The following DIP2B variants were observed in gnomAD, a reference collection of about 807,000 sequenced individuals.
DIP2B encodes disco-interacting protein 2 homolog B.
In DIP2B, 76 loss-of-function variants were observed where a neutral mutation model predicts 198.0. The observed-to-expected ratio is 0.38, with a 90% CI of 0.32 to 0.46. DIP2B has a LOEUF of 0.46. DIP2B is among the 20% of genes least tolerant of loss of function. The pLI, the probability that DIP2B is intolerant of heterozygous loss-of-function variation, is 0.99. For missense variants in DIP2B, 1,559 were observed against 1,978.4 expected (o/e 0.79, Z 4.02); for synonymous variants, 701 against 739.1 (o/e 0.95, Z 0.84).
rs1939323523 is a variant in DIP2B, at chr12:50,696,967, GAAAT to G, written c.1934-91_1934-88del. ...CAATATACAATATGAGTTCTCATGA[GAAAT>G]AAGTATGTCAGCTTTCTATTCTTTA... is the stretch of plus-strand genomic sequence containing the variant. On this transcript the variant is annotated intron_variant, in intron 16 of 37. Coordinates refer to ENST00000301180, the MANE Select transcript of DIP2B (RefSeq NM_173602.3). 1.8e-5 allele frequency: 16 copies of G among 906,512 alleles called. 1 individual carries two copies. The South Asian group carries it at 2.5e-4, about 14-fold the overall frequency. The allele number at this position is 906,512 out of a possible 1,614,324, so 56.2% of individuals were successfully genotyped here. A position where few individuals can be genotyped will look rare whatever the true frequency, so the allele number is the denominator to read the frequency against.
intron 1 of DIP2B, among the ~76,000 whole-genome samples, chr12:50,539,354 G>A (rs1458011062): frequency 6.6e-6 from 1 of 151,652 alleles, no homozygotes; most frequent in East Asian, 1.9e-4. Flanking sequence ...CAGGCCGGGT[G>A]TGGTGTAATA....
chr12:50,667,903 T>TCCCAGC (rs1938783791), intron 4 of DIP2B, among the ~76,000 whole-genome samples: 1 of 152,206 alleles, frequency 6.6e-6, no homozygotes, highest in Non-Finnish European at 1.5e-5. Context: ...GTACAGTGTC[T>TCCCAGC]TTGTTCATGG....
At chr12:50,623,806 A>G (rs369502769) in intron 1 of DIP2B, among the ~76,000 whole-genome samples, 2 of 152,100 alleles carry the variant, frequency 1.3e-5, no homozygotes, top group African/African-American at 4.8e-5. Flanking sequence ...TTTGGGCTGG[A>G]TAAATCTTTG....
intron 1 of DIP2B, among the ~76,000 whole-genome samples, chr12:50,507,408 C>A (rs535162028): frequency 3.9e-5 from 6 of 152,220 alleles, no homozygotes; most frequent in African/African-American, 1.2e-4. Flanking sequence ...TAAAATAATC[C>A]AAAAGTCCCC....
At position 50,615,546 on chromosome 12, in the gene DIP2B, C is replaced by T. The variant is rs184638819; in HGVS notation, c.101-10430C>T. ...GGAGCAACTTTAGTGATACTTGATG[C>T]GTTGTATCTTATTTTTTTAAAAGAG... On this transcript the variant is annotated intron_variant, in intron 1 of 37. Transcript: ENST00000301180. Among the ~76,000 whole-genome samples the T allele has an allele frequency of 1.1e-3, 170 of 152,050 alleles. 2 individuals are homozygous for T. Among genetic ancestry groups the T allele is most frequent in the African/African-American group, 3.8e-3 (158 of 41,466 alleles).
At chr12:50,678,573 C>T (rs947265311) in intron 7 of DIP2B, 106 bp from the exon 8 acceptor site, 65 of 1,239,722 alleles carry the variant, frequency 5.2e-5, no homozygotes, top group Non-Finnish European at 7.2e-5. Context: ...TGAGTTTAAA[C>T]CAGGTAAATA....
chr12:50,745,880 A>G lies in DIP2B; in HGVS notation c.*1041A>G, dbSNP rs1940334454. 6.6e-6 allele frequency: 1 copy of G among 152,222 alleles called. No homozygotes were observed. The highest frequency in any genetic ancestry group is 1.5e-5 in the Non-Finnish European group (1 of 68,042). 9.4% of individuals were successfully genotyped at this position (152,222 alleles called of 1,614,324 possible). On this transcript the variant is annotated 3_prime_UTR_variant, in exon 38 of 38. Coordinates refer to ENST00000301180, the MANE Select transcript of DIP2B (RefSeq NM_173602.3). ...TGTAAACTGTGTCTACAGTTTATCC[A>G]TATAACTTCTCTTCTGAAAACTGAG... is the stretch of plus-strand genomic sequence containing the variant.
intron 1 of DIP2B, among the ~76,000 whole-genome samples, chr12:50,527,230 A>T (rs572176690): frequency 6.6e-6 from 1 of 152,190 alleles, no homozygotes; most frequent in Non-Finnish European, 1.5e-5. Flanking sequence ...TGGTCAGTTT[A>T]TTCTAGTTTA....
At chr12:50,681,953 A>G (rs139015508) in intron 9 of DIP2B, among the ~76,000 whole-genome samples, 66 of 152,364 alleles carry the variant, frequency 4.3e-4, no homozygotes, top group Middle Eastern at 6.8e-3. Flanking sequence ...CAGAAGTTCA[A>G]AAGTGAACTT....
chr12:50,510,947 C>CTTTT (rs56793612), intron 1 of DIP2B, among the ~76,000 whole-genome samples: 2 of 131,110 alleles, frequency 1.5e-5, no homozygotes, highest in African/African-American at 2.9e-5. Flanking sequence ...GCCTGGCTTT[C>CTTTT]TTTTTTTTTT....
chr12:50,625,028 T>C (rs531013503), intron 1 of DIP2B, among the ~76,000 whole-genome samples: 8 of 152,360 alleles, frequency 5.3e-5, no homozygotes, highest in African/African-American at 1.7e-4. Flanking sequence ...AAAGTACTTT[T>C]AATACTACAA....
chr12:50,729,607 G>A (rs1939999893), intron 30 of DIP2B, among the ~76,000 whole-genome samples: 2 of 151,754 alleles, frequency 1.3e-5, no homozygotes, highest in Non-Finnish European at 2.9e-5. Flanking sequence ...TAGGAACTCT[G>A]TTCCTTCCTG....
intron 1 of DIP2B, among the ~76,000 whole-genome samples, chr12:50,622,740 T>C (rs561193101): frequency 6.6e-6 from 1 of 152,282 alleles, no homozygotes; most frequent in South Asian, 2.1e-4. Flanking sequence ...GTCTCCTGAG[T>C]AGCTGAGACT....
At chr12:50,652,179 A>G (rs1383300254) in intron 3 of DIP2B, among the ~76,000 whole-genome samples, 2 of 152,038 alleles carry the variant, frequency 1.3e-5, no homozygotes, top group South Asian at 2.1e-4. Context: ...CAGGCGTTGT[A>G]GCAGGCACCT....
chr12:50,700,988 A>G (rs558364825), intron 19 of DIP2B, among the ~76,000 whole-genome samples: 52 of 152,354 alleles, frequency 3.4e-4, no homozygotes, highest in African/African-American at 1.2e-3. Flanking sequence ...CAAAGATTAC[A>G]GGCATGAGCC....
intron 3 of DIP2B, 29 bp from the exon 4 acceptor site, chr12:50,660,165 C>A: frequency 6.3e-7 from 1 of 1,583,308 alleles, no homozygotes; most frequent in Non-Finnish European, 8.6e-7. Context: ...GAGCCGGAAG[C>A]TAATAAATGC....
At chr12:50,719,371 A>G (rs1939791663) in intron 25 of DIP2B, among the ~76,000 whole-genome samples, 1 of 152,198 alleles carries the variant, frequency 6.6e-6, no homozygotes. Context: ...ACCCAGTGGG[A>G]CTTTTAATTA....
intron 22 of DIP2B, among the ~76,000 whole-genome samples, chr12:50,710,599 A>C (rs977395377): frequency 8.6e-5 from 13 of 151,896 alleles, no homozygotes; most frequent in Non-Finnish European, 8.8e-5. Flanking sequence ...AATTTTTTGT[A>C]TTTTTAGTAG....
intron 7 of DIP2B, among the ~76,000 whole-genome samples, chr12:50,676,626 T>C (rs1261332350): frequency 6.6e-6 from 1 of 152,238 alleles, no homozygotes; most frequent in East Asian, 1.9e-4. Flanking sequence ...CTAACAACTT[T>C]CCATTAATTA....
Sources: allele counts gnomAD v4.1 joint callset (sites outside exome capture counted in the v4.1 genomes callset), GRCh38; gene constraint gnomAD v4.1.1; transcripts MANE v1.5; gene names NCBI Gene and HGNC (gene_info 2026-07-23, HGNC 2026-07-21).